CELF2: variants seen among roughly 807,000 people sequenced by gnomAD.
CELF2 encodes the protein CUGBP Elav-like family member 2, also known as CUG triplet repeat RNA-binding protein 2.
In CELF2, 8 loss-of-function variants were observed where a neutral mutation model predicts 62.6. That is an observed-to-expected ratio of 0.13 (90% CI 0.07 to 0.23). CELF2 has a LOEUF of 0.23. Among genes scored for constraint, CELF2 ranks in the 10% least tolerant of loss-of-function variants. The pLI is 1.00. For missense variants in CELF2, 333 were observed against 671.0 expected, an observed-to-expected ratio of 0.50 and a Z score of 5.56; for synonymous variants, 258 against 250.0, an observed-to-expected ratio of 1.03 and a Z score of -0.30.
chr10:10,745,242 C>A, the CELF2 span, among the ~76,000 whole-genome samples: 2 of 152,080 alleles, frequency 1.3e-5, no homozygotes, highest in African/African-American at 4.8e-5. Context: ...GGCAAGCAAG[C>A]AGAACTGGGG....
Position 11,295,936 on chromosome 10 carries a change from T to C in CELF2, c.976+7384T>C, listed in dbSNP as rs953105225. Among the ~76,000 whole-genome samples, 16 of 152,188 alleles carry C rather than the reference T, an allele frequency of 1.1e-4. No individual in the cohort carries two copies. In the South Asian group the frequency reaches 3.3e-3, roughly 32 times the overall value. Reference sequence around the variant, plus strand: ...GTGAGTGGATGGATACTCCAGGCAGTTGGTGCAATGCCCCAACCTGGAGCA... The same window carrying C: ...GTGAGTGGATGGATACTCCAGGCAGCTGGTGCAATGCCCCAACCTGGAGCA... On this transcript the variant is annotated intron_variant, in intron 9 of 12. Transcript: ENST00000633077.
chr10:10,895,122 G>A (rs903229171), intron 1 of CELF2, among the ~76,000 whole-genome samples: 2 of 152,100 alleles, frequency 1.3e-5, no homozygotes, highest in African/African-American at 4.8e-5. Context: ...GGCTGAAGTC[G>A]CACAGCTGAT....
At chr10:10,857,608 CTA>C (rs533915476) in intron 1 of CELF2, among the ~76,000 whole-genome samples, 8 of 122,310 alleles carry the variant, frequency 6.5e-5, no homozygotes, top group Non-Finnish European at 1.3e-4. Flanking sequence ...AGATGGTGAA[CTA>C]TATATATATA....
At chr10:11,105,635 T>C (rs1328977715) in intron 1 of CELF2, 1 of 152,250 alleles carries the variant, frequency 6.6e-6, no homozygotes, top group Admixed American at 6.5e-5. Context: ...CCTAATTCCT[T>C]CTCTGATTCC....
the CELF2 span, among the ~76,000 whole-genome samples, chr10:10,765,685 T>A: frequency 7.2e-5 from 11 of 152,208 alleles, no homozygotes; most frequent in Admixed American, 4.6e-4. Flanking sequence ...GAGGTCATGC[T>A]GGATGCTGAT....
the CELF2 span, among the ~76,000 whole-genome samples, chr10:10,599,077 A>C: frequency 6.6e-6 from 1 of 152,028 alleles, no homozygotes; most frequent in African/African-American, 2.4e-5. Context: ...ATTTTTTAAT[A>C]ATTCAGCATT....
the CELF2 span, among the ~76,000 whole-genome samples, chr10:10,575,935 T>C: frequency 6.6e-6 from 1 of 152,198 alleles, no homozygotes; most frequent in Non-Finnish European, 1.5e-5. Flanking sequence ...GCAGACATTA[T>C]CTCTGGATTC....
At chr10:11,169,244 G>A (rs1485847362) in intron 2 of CELF2, 3 of 152,120 alleles carry the variant, frequency 2.0e-5, no homozygotes, top group Non-Finnish European at 1.5e-5. Flanking sequence ...ACTCTAAAAG[G>A]GACAAGAAGG....
rs1050053275 is a variant in CELF2 at position 11,300,242 on chromosome 10, G to A, written c.976+11690G>A. Among the ~76,000 whole-genome samples the A allele has an allele frequency of 3.9e-5, 6 of 152,114 alleles. No homozygotes were observed. The highest frequency in any genetic ancestry group is 1.9e-4 in the East Asian group (1 of 5,200). ...GCAGGTGCTGGCCCCTCACTTCCCCGCCTTCCACATGTGTGCCACCGTACA... is the reference window on the plus strand; with the variant it reads ...GCAGGTGCTGGCCCCTCACTTCCCCACCTTCCACATGTGTGCCACCGTACA... On this transcript the variant is annotated intron_variant, in intron 9 of 12. Transcript: ENST00000633077. This position sits in a 1 kb window ranked among gnomAD's most constrained non-coding sequence, Gnocchi z 5.5.
upstream of CELF2, among the ~76,000 whole-genome samples, chr10:11,000,583 G>A (rs1420606097): frequency 1.3e-5 from 2 of 152,060 alleles, no homozygotes; most frequent in African/African-American, 4.8e-5. Context: ...GGAATTTAGG[G>A]CCCTTGGATT....
chr10:10,708,117 C>T, the CELF2 span, among the ~76,000 whole-genome samples: 8 of 152,136 alleles, frequency 5.3e-5, no homozygotes, highest in African/African-American at 1.9e-4. Context: ...ATATTTGAGG[C>T]AGGGAGCAAA....
At chr10:10,913,565 A>ATTTTTTTTTTTTTTT (rs2064014776) in intron 1 of CELF2, among the ~76,000 whole-genome samples, 1 of 149,326 alleles carries the variant, frequency 6.7e-6, no homozygotes, top group African/African-American at 2.5e-5. Flanking sequence ...TAATTTTTGT[A>ATTTTTTTTTTTTTTT]TTTTTAGTAG....
At chr10:10,756,488 A>C in the CELF2 span, among the ~76,000 whole-genome samples, 1 of 152,186 alleles carries the variant, frequency 6.6e-6, no homozygotes, top group South Asian at 2.1e-4. Flanking sequence ...ACTGCATTAA[A>C]TGTTAATTTA....
chr10:11,109,587 A>G (rs2054568586), intron 1 of CELF2, among the ~76,000 whole-genome samples: 1 of 152,226 alleles, frequency 6.6e-6, no homozygotes, highest in Admixed American at 6.5e-5. Flanking sequence ...ACTGTGGCCC[A>G]GGTTTCCTCT....
At chr10:11,259,994 C>T (rs544971162) in intron 5 of CELF2, among the ~76,000 whole-genome samples, 53 of 152,262 alleles carry the variant, frequency 3.5e-4, no homozygotes, top group African/African-American at 1.2e-3. Context: ...TATGGAGAAA[C>T]GGCACAAGGA....
At chr10:10,661,788 T>C in the CELF2 span, among the ~76,000 whole-genome samples, 2 of 152,116 alleles carry the variant, frequency 1.3e-5, no homozygotes. Context: ...CAGGAACATA[T>C]TAGGCAGGAA....
chr10:10,615,181 C>A, the CELF2 span, among the ~76,000 whole-genome samples: 2 of 152,110 alleles, frequency 1.3e-5, no homozygotes, highest in Non-Finnish European at 2.9e-5. Context: ...CTGTATCAAA[C>A]TAGGGGGGAA....
chr10:10,901,488 A>G (rs763499863), intron 1 of CELF2, among the ~76,000 whole-genome samples: 13 of 152,230 alleles, frequency 8.5e-5, no homozygotes, highest in Non-Finnish European at 1.3e-4. Context: ...AATAAACTTT[A>G]ATCCTTACAT....
chr10:11,103,409 T>C (rs2052392459), intron 1 of CELF2, among the ~76,000 whole-genome samples: 1 of 151,824 alleles, frequency 6.6e-6, no homozygotes, highest in South Asian at 2.1e-4. Context: ...ATTAACATTT[T>C]ACAAGAGGCT....
Sources: allele counts gnomAD v4.1 joint callset (sites outside exome capture counted in the v4.1 genomes callset), GRCh38; gene constraint gnomAD v4.1.1; non-coding constraint Gnocchi (gnomAD v3.1); transcripts MANE v1.5; gene names NCBI Gene and HGNC (gene_info 2026-07-23, HGNC 2026-07-21).